Variants in DENND1A observed in about 807,000 individuals in gnomAD.
DENND1A encodes DENN domain-containing protein 1A.
Under a neutral mutation model 113.7 loss-of-function variants are expected in DENND1A, and 51 were observed. The ratio of observed to expected loss-of-function variants is 0.45; its 90% CI spans 0.36 to 0.57. The LOEUF is 0.57. DENND1A is among the 20% of genes least tolerant of loss of function. The probability of loss-of-function intolerance (pLI) is 0.00; values close to 1 mark genes in which losing one functional copy is unlikely to be tolerated. For missense variants in DENND1A, 1,258 were observed against 1,395.9 expected (o/e 0.90, Z 1.57); for synonymous variants, 565 against 570.8 (o/e 0.99, Z 0.14).
At chr9:123,893,012 TAAGAATAAAA>T in intron 1 of DENND1A, among the ~76,000 whole-genome samples, 1 of 150,554 alleles carries the variant, frequency 6.6e-6, no homozygotes, top group South Asian at 2.1e-4. Flanking sequence ...TAATAAAGAA[TAAGAATAAAA>T]AAGAATAAAG....
At chr9:123,584,351 G>C (rs2059063111) in intron 11 of DENND1A, among the ~76,000 whole-genome samples, 1 of 152,242 alleles carries the variant, frequency 6.6e-6, no homozygotes, top group East Asian at 1.9e-4. Flanking sequence ...TGAGCATGCT[G>C]CATGTGGCTG....
chr9:123,484,722 A>G (rs914074454), intron 13 of DENND1A, among the ~76,000 whole-genome samples: 6 of 152,052 alleles, frequency 3.9e-5, no homozygotes, highest in African/African-American at 1.4e-4. Context: ...TTCTGTTGTT[A>G]CTCACATAGT....
At chr9:123,393,094 C>A (rs550718828) in intron 21 of DENND1A, among the ~76,000 whole-genome samples, 15 of 152,318 alleles carry the variant, frequency 9.8e-5, no homozygotes, top group African/African-American at 3.6e-4. Flanking sequence ...CACATCTTTG[C>A]AACCTTATTT....
intron 4 of DENND1A, among the ~76,000 whole-genome samples, chr9:123,758,829 T>C (rs2070792118): frequency 6.6e-6 from 1 of 152,194 alleles, no homozygotes; most frequent in African/African-American, 2.4e-5. Context: ...TGAGATGTAG[T>C]CTCGCTCTGT....
At chr9:123,610,143 A>G (rs562674631) in intron 10 of DENND1A, among the ~76,000 whole-genome samples, 1 of 152,344 alleles carries the variant, frequency 6.6e-6, no homozygotes, top group South Asian at 2.1e-4. Context: ...TGACTGAGCA[A>G]AGGCATGAGA....
intron 9 of DENND1A, among the ~76,000 whole-genome samples, chr9:123,651,578 T>C (rs1257802825): frequency 6.6e-6 from 1 of 152,210 alleles, no homozygotes; most frequent in Non-Finnish European, 1.5e-5. Context: ...TCCCACTCCT[T>C]AGAATATAAC....
At chr9:123,893,403 C>T (rs1260204633) in intron 1 of DENND1A, among the ~76,000 whole-genome samples, 2 of 152,208 alleles carry the variant, frequency 1.3e-5, no homozygotes, top group Non-Finnish European at 2.9e-5. Flanking sequence ...AGTTAAAAGA[C>T]CGTCATTAGC....
At chr9:123,714,063 C>G (rs1172866647) in intron 5 of DENND1A, among the ~76,000 whole-genome samples, 1 of 152,168 alleles carries the variant, frequency 6.6e-6, no homozygotes, top group African/African-American at 2.4e-5. Flanking sequence ...GCTTGCCTAG[C>G]AAGTATATTA....
chr9:123,506,056 C>T (rs999750172), intron 13 of DENND1A, among the ~76,000 whole-genome samples: 1 of 152,082 alleles, frequency 6.6e-6, no homozygotes, highest in Non-Finnish European at 1.5e-5. Context: ...AGAGCCCACA[C>T]AGTATGGTGA....
At chr9:123,497,976 C>T (rs1397288452) in intron 13 of DENND1A, among the ~76,000 whole-genome samples, 1 of 152,186 alleles carries the variant, frequency 6.6e-6, no homozygotes, top group Admixed American at 6.5e-5. Flanking sequence ...AATTACTGTG[C>T]AAGGAGCCTT....
chr9:123,874,502 G>A (rs938436750), intron 2 of DENND1A, among the ~76,000 whole-genome samples: 1 of 152,078 alleles, frequency 6.6e-6, no homozygotes, highest in African/African-American at 2.4e-5. Context: ...CTACTAAGGA[G>A]GCTAGTACCA....
chr9:123,766,567 T>C (rs770259513), intron 4 of DENND1A, among the ~76,000 whole-genome samples: 40 of 152,204 alleles, frequency 2.6e-4, no homozygotes, highest in Non-Finnish European at 4.9e-4. Context: ...TTCTTCTCTA[T>C]ATATTTGGTG....
chr9:123,536,467 A>G (rs79347113), intron 13 of DENND1A, among the ~76,000 whole-genome samples: 1 of 89,632 alleles, frequency 1.1e-5, no homozygotes, highest in African/African-American at 5.6e-5. Flanking sequence ...CTCTGTCTCC[A>G]AAAAAAAAAA....
rs145826475 is a variant in DENND1A, at chr9:123,821,413, C to G, written c.89-28783G>C. The stretch of plus-strand genomic sequence containing the variant: ...GAATAAACAAGAAACCATTGTGTAG[C>G]TTCTGTTCTAAGAATACGACAGCAT... On this transcript the variant is annotated intron_variant, in intron 2 of 23. Coordinates refer to ENST00000394215, the MANE Select transcript of DENND1A (RefSeq NM_001352964.2). 3.7e-3 allele frequency among the ~76,000 whole-genome samples: 567 copies of G among 152,274 alleles called. 4 individuals carry two copies. Among genetic ancestry groups the G allele is most frequent in the South Asian group, 0.012 (57 of 4,818 alleles).
At chr9:123,471,296 G>A (rs1222531622) in intron 13 of DENND1A, among the ~76,000 whole-genome samples, 2 of 152,290 alleles carry the variant, frequency 1.3e-5, no homozygotes, top group East Asian at 3.9e-4. Context: ...CTTCTCATCT[G>A]CCGAATGGGG....
At chr9:123,893,337 AAAAAG>A (rs930595756) in intron 1 of DENND1A, among the ~76,000 whole-genome samples, 58 of 152,338 alleles carry the variant, frequency 3.8e-4, no homozygotes, top group African/African-American at 1.2e-3. Flanking sequence ...GCATAGTTTA[AAAAAG>A]AAAAGACAAA....
intron 1 of DENND1A, among the ~76,000 whole-genome samples, chr9:123,902,106 C>T (rs1851735725): frequency 6.6e-6 from 1 of 151,684 alleles, no homozygotes; most frequent in African/African-American, 2.4e-5. Context: ...ATAACAGGTT[C>T]ATTTGTCTTC....
At chr9:123,394,523 T>C (rs767759800) in intron 21 of DENND1A, among the ~76,000 whole-genome samples, 5 of 152,194 alleles carry the variant, frequency 3.3e-5, no homozygotes, top group Non-Finnish European at 7.3e-5. Flanking sequence ...CCCATCCCCC[T>C]CTCTTGGGTT....
chr9:123,696,129 T>C (rs1039112908), intron 5 of DENND1A, among the ~76,000 whole-genome samples: 16 of 152,228 alleles, frequency 1.1e-4, no homozygotes, highest in African/African-American at 3.6e-4. Context: ...GAATGCATGT[T>C]GCTACATTCA....
Sources: gnomAD v4.1 joint callset for allele counts (sites outside exome capture counted in the v4.1 genomes callset) on GRCh38, gnomAD v4.1.1 for gene constraint, MANE v1.5 for transcripts, NCBI Gene and HGNC (gene_info 2026-07-23, HGNC 2026-07-21) for gene names.